Variants in TRIM55 observed in about 807,000 individuals in gnomAD.
TRIM55 encodes the protein tripartite motif containing 55.
Under a neutral mutation model 60.9 loss-of-function variants are expected in TRIM55, and 50 were observed. The ratio of observed to expected loss-of-function variants is 0.82; its 90% CI spans 0.65 to 1.04. The LOEUF (loss-of-function observed/expected upper bound fraction) is 1.04. Ranked by LOEUF, TRIM55 falls within the 50% of genes least tolerant of loss-of-function variation. TRIM55 has a pLI of 0.00. For missense variants in TRIM55, 681 were observed against 666.9 expected (o/e 1.02, Z -0.23); for synonymous variants, 237 against 238.1 (o/e 1.00, Z 0.04).
At chr8:66,146,365 G>A (rs1404902574) in intron 4 of TRIM55, among the ~76,000 whole-genome samples, 2 of 151,982 alleles carry the variant, frequency 1.3e-5, no homozygotes, top group African/African-American at 4.8e-5. Flanking sequence ...CATTTAAACT[G>A]CCAAAAAAAA....
upstream of TRIM55, among the ~76,000 whole-genome samples, chr8:66,125,259 T>C (rs988417886): frequency 6.6e-6 from 1 of 152,280 alleles, no homozygotes; most frequent in African/African-American, 2.4e-5. Context: ...CTTTTTGGCT[T>C]GTACTCTTTA....
chr8:66,128,581 C>A (rs918790354), intron 2 of TRIM55, 105 bp downstream of exon 2: 21 of 1,273,726 alleles, frequency 1.6e-5, no homozygotes, highest in Middle Eastern at 1.9e-4. Flanking sequence ...CAATCACAGA[C>A]TGTTTTATGG....
chr8:66,141,691 C>T (rs948117930), intron 4 of TRIM55, among the ~76,000 whole-genome samples: 3 of 152,228 alleles, frequency 2.0e-5, no homozygotes, highest in Non-Finnish European at 4.4e-5. Flanking sequence ...CTAGAAACAT[C>T]CCTGTTTTGT....
At chr8:66,128,753 T>A (rs1044087131) in intron 2 of TRIM55, among the ~76,000 whole-genome samples, 3 of 152,012 alleles carry the variant, frequency 2.0e-5, no homozygotes, top group Non-Finnish European at 4.4e-5. Flanking sequence ...CATACTGCTG[T>A]CCCCCTCCAC....
At chr8:66,164,639 TCTCAGAGACAGC>T (rs891268113) in intron 9 of TRIM55, among the ~76,000 whole-genome samples, 5 of 152,148 alleles carry the variant, frequency 3.3e-5, no homozygotes, top group African/African-American at 1.2e-4. Context: ...CACATAATTA[TCTCAGAGACAGC>T]CTCAGGAACA....
chr8:66,128,468 G>A lies in TRIM55; in HGVS notation c.333G>A (p.Glu111=), dbSNP rs750382058. 3 of 1,612,776 alleles carry A rather than the reference G, an allele frequency of 1.9e-6. No homozygotes were observed. The South Asian group carries it at 3.3e-5, about 18-fold the overall frequency. The stretch of plus-strand genomic sequence containing the variant: ...ATATCATTGACATCTACAAGCAGGA[G>A]TCCACCAGGTAACACTCTTCCACTC... ...VENIIDIYKQ[E]STRPEKKSDQ... is the part of the protein sequence containing the mutation. Residue 111 remains glutamate (E), a synonymous_variant, in exon 2 of 10, where the codon GAG becomes GAA. Transcript: ENST00000315962.
At chr8:66,145,590 A>G (rs1291912898) in intron 4 of TRIM55, among the ~76,000 whole-genome samples, 1 of 152,226 alleles carries the variant, frequency 6.6e-6, no homozygotes, top group African/African-American at 2.4e-5. Context: ...AACTAGGAAT[A>G]TAATTCTGAA....
At chr8:66,114,641 C>T in the TRIM55 span, 1 of 456,322 alleles carries the variant, frequency 2.2e-6, no homozygotes, top group Non-Finnish European at 4.4e-6. Context: ...AACTTGGAAA[C>T]GGACGCTGAT....
At chr8:66,119,693 G>T in the TRIM55 span, among the ~76,000 whole-genome samples, 1 of 152,216 alleles carries the variant, frequency 6.6e-6, no homozygotes, top group African/African-American at 2.4e-5. Context: ...ATCACCAAAA[G>T]ACGGTGACCC....
In TRIM55 at chr8:66,150,324, A is replaced by C. The variant is rs771278419; in HGVS notation, c.861-18A>C. 2.4e-5 allele frequency: 38 copies of C among 1,614,060 alleles called. No homozygotes were observed. Among genetic ancestry groups the C allele is most frequent in the Non-Finnish European group, 3.1e-5 (36 of 1,180,006 alleles). On this transcript the variant is annotated intron_variant, in intron 6 of 9. Coordinates refer to ENST00000315962, the MANE Select transcript of TRIM55 (RefSeq NM_184085.2). Reference sequence around the variant, plus strand: ...ATTTTCAACAGTGACAGAAAGTGGCAACTTGTCTTTGTTGCAGAATCTCGG... The same window carrying C: ...ATTTTCAACAGTGACAGAAAGTGGCCACTTGTCTTTGTTGCAGAATCTCGG...
chr8:66,145,438 T>G (rs918376236), intron 4 of TRIM55, among the ~76,000 whole-genome samples: 1 of 152,252 alleles, frequency 6.6e-6, no homozygotes, highest in Non-Finnish European at 1.5e-5. Flanking sequence ...CATTAGGAAT[T>G]AGAAAATATA....
chr8:66,114,526 C>T, the TRIM55 span: 1 of 456,282 alleles, frequency 2.2e-6, no homozygotes, highest in South Asian at 1.5e-5. Flanking sequence ...CACTCAGAAT[C>T]CTTTATGATT....
chr8:66,170,431 C>T (rs571684323), intron 9 of TRIM55, among the ~76,000 whole-genome samples: 1 of 152,296 alleles, frequency 6.6e-6, no homozygotes, highest in African/African-American at 2.4e-5. Context: ...CTTTTTAAGG[C>T]TGAACAGTGT....
chr8:66,136,417 T>C (rs1184611889), intron 3 of TRIM55, among the ~76,000 whole-genome samples: 2 of 152,186 alleles, frequency 1.3e-5, no homozygotes, highest in Admixed American at 1.3e-4. Flanking sequence ...AGGGTCAAAA[T>C]TGAATATATG....
At chr8:66,123,727 A>G (rs1808716588), upstream of TRIM55, among the ~76,000 whole-genome samples, 1 of 152,134 alleles carries the variant, frequency 6.6e-6, no homozygotes, top group Non-Finnish European at 1.5e-5. Flanking sequence ...GCATAGTGGT[A>G]CACGCCTGTA....
chr8:66,127,835 A>C (rs1021158682), intron 1 of TRIM55, among the ~76,000 whole-genome samples: 1 of 152,242 alleles, frequency 6.6e-6, no homozygotes, highest in East Asian at 1.9e-4. Flanking sequence ...ACTCTGTCTC[A>C]AAAAAAGAAA....
At chr8:66,159,235 T>C (rs769883455) in intron 9 of TRIM55, among the ~76,000 whole-genome samples, 7 of 152,252 alleles carry the variant, frequency 4.6e-5, no homozygotes, top group Non-Finnish European at 5.9e-5. Context: ...ATGTGTTTGA[T>C]TGTCATTGTA....
At chr8:66,147,546 C>T (rs1810160209) in intron 4 of TRIM55, among the ~76,000 whole-genome samples, 1 of 151,942 alleles carries the variant, frequency 6.6e-6, no homozygotes, top group African/African-American at 2.4e-5. Flanking sequence ...CCTGTAATCC[C>T]AGCACTTTGG....
intron 9 of TRIM55, among the ~76,000 whole-genome samples, chr8:66,171,036 G>T (rs1394547224): frequency 6.6e-6 from 1 of 152,166 alleles, no homozygotes; most frequent in Non-Finnish European, 1.5e-5. Flanking sequence ...TCGTGTCTAA[G>T]TACGTTCTGT....
Sources: gnomAD v4.1 joint callset for allele counts (sites outside exome capture counted in the v4.1 genomes callset) on GRCh38, gnomAD v4.1.1 for gene constraint, MANE v1.5 for transcripts, NCBI Gene and HGNC (gene_info 2026-07-23, HGNC 2026-07-21) for gene names.